Variants in PLA2G4F observed in about 807,000 individuals in gnomAD.
The protein encoded by PLA2G4F is phospholipase A2 group IVF, also known as cytosolic phospholipase A2 zeta.
In PLA2G4F, 105 loss-of-function variants were observed where a neutral mutation model predicts 103.1. The observed-to-expected ratio is 1.02, with a 90% CI of 0.87 to 1.20. The LOEUF is 1.20. Among genes scored for constraint, PLA2G4F ranks in the 50% most tolerant of loss-of-function variants. The probability of loss-of-function intolerance (pLI) is 0.00; values close to 1 mark genes in which losing one functional copy is unlikely to be tolerated. For synonymous variants in PLA2G4F, 468 were observed against 441.1 expected (o/e 1.06, Z -0.76); for missense variants, 1,155 against 1,075.9 (o/e 1.07, Z -1.03).
At position 42,145,758 on chromosome 15, in the gene PLA2G4F, C is replaced by T. The variant is rs200906824; in HGVS notation, c.1672+8G>A. On this transcript the variant is annotated splice_region_variant and intron_variant, in intron 15 of 19. Coordinates refer to ENST00000397272, the MANE Select transcript of PLA2G4F (RefSeq NM_213600.4). ...CTGCCTGTCCCCAGCCCTCCAGCCT[C>T]GACTCACCTTGCAGGTAACAGATCC... The T allele has an allele frequency of 2.9e-4, 464 of 1,614,034 alleles. No homozygotes were observed. In the African/African-American group the frequency reaches 5.5e-3, roughly 19 times the overall value.
chr15:42,153,535 G>A lies in PLA2G4F; in HGVS notation c.491+85C>T, dbSNP rs1164981039. ...CCTCCAGGCCAGGCCTCCAAGGCCA[G>A]TGCAGGACATGGTGACTGGCACCTA... On this transcript the variant is annotated intron_variant, in intron 5 of 19. Coordinates refer to ENST00000397272, the MANE Select transcript of PLA2G4F (RefSeq NM_213600.4). 4.5e-6 allele frequency: 7 copies of A among 1,569,040 alleles called. No individual in the cohort carries two copies. The African/African-American group carries it at 8.1e-5, about 18-fold the overall frequency.
intron 2 of PLA2G4F, 88 bp downstream of exon 2, chr15:42,155,429 C>T (rs2049006456): frequency 7.2e-7 from 1 of 1,383,710 alleles, no homozygotes; most frequent in Admixed American, 1.7e-5. Context: ...CTCTTACACA[C>T]ACACACTCTC....
At position 42,142,697 on chromosome 15, in the gene PLA2G4F, C is replaced by T. The variant is rs745634486; in HGVS notation, c.2160G>A (p.Glu720=). Reference sequence around the variant, plus strand: ...GGATTCCTCGGTCCAGGCAGTACTTCTCTGTCATCTTCAAGACCTGAGCAG... The same window carrying T: ...GGATTCCTCGGTCCAGGCAGTACTTTTCTGTCATCTTCAAGACCTGAGCAG... ...EAPFEVLKMT[E]KYCLDRGIPF... The change falls in exon 19 of 20, where the codon GAG becomes GAA. Residue 720 remains glutamate (E), a synonymous_variant. Coordinates refer to ENST00000397272, the MANE Select transcript of PLA2G4F (RefSeq NM_213600.4). The T allele has an allele frequency of 6.2e-7, 1 of 1,614,092 alleles. No individual in the cohort carries two copies. Among genetic ancestry groups the T allele is most frequent in the South Asian group, 1.1e-5 (1 of 91,060 alleles).
rs1024147367 is a variant in PLA2G4F at position 42,142,758 on chromosome 15, G to C, written c.2143-44C>G. The stretch of plus-strand genomic sequence containing the variant: ...CTGACTCTGCCTTTCCTCCACCCTG[G>C]CCACTCCCGCCGCCCTGGACTCACA... On this transcript the variant is annotated intron_variant, in intron 18 of 19. Transcript: ENST00000397272. The C allele has an allele frequency of 1.7e-5, 27 of 1,599,410 alleles. No homozygotes were observed. In the South Asian group the frequency reaches 2.9e-4, roughly 17 times the overall value.
chr15:42,139,100 A>C lies in PLA2G4F; in HGVS notation c.*2884T>G, dbSNP rs149718954. 9.2e-5 allele frequency: 14 copies of C among 152,232 alleles called. No individual in the cohort carries two copies. The East Asian group carries it at 2.7e-3, about 29-fold the overall frequency. The allele number at this position is 152,232 out of a possible 1,614,324, so 9.4% of individuals were successfully genotyped here. A position where few individuals can be genotyped will look rare whatever the true frequency, so the allele number is the denominator to read the frequency against. On this transcript the variant is annotated 3_prime_UTR_variant, in exon 20 of 20. Coordinates refer to ENST00000397272, the MANE Select transcript of PLA2G4F (RefSeq NM_213600.4). Reference sequence around the variant, plus strand: ...CCAAAGTGCAGCCCTGAGAAGCTGGAGCTGCTTGCTTTTATTCAGTGCAGG... The same window carrying C: ...CCAAAGTGCAGCCCTGAGAAGCTGGCGCTGCTTGCTTTTATTCAGTGCAGG...
rs2048978537 is a variant in PLA2G4F at position 42,153,332 on chromosome 15, C to T, written c.502G>A (p.Ala168Thr). ...ACCCCGTTGGTGATGACTTCAGATG[C>T]AGGCACCTGGCTGCAAAGGATGAGG... ...EFVLEKSQVP[A>T]SEVITNGVLV... Residue 168 changes from alanine (A) to threonine (T), a missense_variant, in exon 6 of 20, where the codon GCA (alanine) becomes ACA (threonine). By Grantham distance (58) the Ala-to-Thr change is moderately conservative. Transcript: ENST00000397272. The T allele has an allele frequency of 1.2e-6, 2 of 1,614,028 alleles. No individual in the cohort carries two copies. Among genetic ancestry groups the T allele is most frequent in the South Asian group, 1.1e-5 (1 of 91,084 alleles).
intron 11 of PLA2G4F, chr15:42,148,620 G>A (rs1026519723): frequency 2.0e-6 from 2 of 984,970 alleles, no homozygotes; most frequent in Non-Finnish European, 1.2e-6. Flanking sequence ...GTCCCCCGTT[G>A]AGCACCACCG....
At chr15:42,143,583 G>C (rs1258237577) in intron 18 of PLA2G4F, among the ~76,000 whole-genome samples, 1 of 152,170 alleles carries the variant, frequency 6.6e-6, no homozygotes, top group Non-Finnish European at 1.5e-5. Flanking sequence ...GCATCAGAGG[G>C]GACCCTCATG....
intron 2 of PLA2G4F, 123 bp downstream of exon 2, chr15:42,155,392 ACT>A (rs1484947424): frequency 2.1e-6 from 2 of 935,610 alleles, no homozygotes; most frequent in Middle Eastern, 2.1e-4. Flanking sequence ...ACACACATGC[ACT>A]CTCACTTGTA....
At chr15:42,152,815 A>T in intron 6 of PLA2G4F, 61 bp from the exon 7 acceptor site, 2 of 1,487,898 alleles carry the variant, frequency 1.3e-6, no homozygotes, top group South Asian at 1.2e-5. Context: ...GGATGGAGAG[A>T]GGGAGGAGTG....
chr15:42,149,033 C>T (rs1235420829), intron 11 of PLA2G4F: 1 of 985,250 alleles, frequency 1.0e-6, no homozygotes, highest in Non-Finnish European at 1.2e-6. Flanking sequence ...TCCTGATCCC[C>T]TGTAAGTCCC....
At chr15:42,146,022 G>A (rs779526342) in intron 14 of PLA2G4F, 105 bp downstream of exon 14, 47 of 1,580,962 alleles carry the variant, frequency 3.0e-5, no homozygotes, top group Non-Finnish European at 3.6e-5. Flanking sequence ...GTGCTCCAAG[G>A]TGCCTGTGTG....
At position 42,146,258 on chromosome 15, in the gene PLA2G4F, G is replaced by A. The variant is rs1386567733; in HGVS notation, c.1420-17C>T. The A allele has an allele frequency of 6.8e-6, 11 of 1,611,962 alleles. No homozygotes were observed. The highest frequency in any genetic ancestry group is 8.5e-6 in the Non-Finnish European group (10 of 1,178,142). ...AGGGTTCTCCTGGGCAGGAAAGAAG[G>A]GAGGCAGCTTGGCCTTTCAGGAGTT... On this transcript the variant is annotated splice_polypyrimidine_tract_variant and intron_variant, in intron 13 of 19. Coordinates refer to ENST00000397272, the MANE Select transcript of PLA2G4F (RefSeq NM_213600.4).
intron 8 of PLA2G4F, 60 bp downstream of exon 8, chr15:42,150,548 G>A: frequency 6.3e-7 from 1 of 1,595,610 alleles, no homozygotes; most frequent in African/African-American, 1.3e-5. Context: ...CCCCAACGTG[G>A]CCCTGGAACG....
chr15:42,150,002 C>T, intron 10 of PLA2G4F, 102 bp downstream of exon 10: 1 of 1,567,076 alleles, frequency 6.4e-7, no homozygotes. Context: ...CATCCCCACC[C>T]CACGGCCTGA....
At position 42,142,212 on chromosome 15, in the gene PLA2G4F, T is replaced by G; in HGVS notation, c.2330-8A>C. 6.2e-7 allele frequency: 1 copy of G among 1,605,072 alleles called. No individual in the cohort carries two copies. Among genetic ancestry groups the G allele is most frequent in the Non-Finnish European group, 8.5e-7 (1 of 1,174,752 alleles). On this transcript the variant is annotated splice_polypyrimidine_tract_variant and splice_region_variant and intron_variant, in intron 19 of 19. Transcript: ENST00000397272. ...CTGTTTGTCGCTCCACACCTGTGGG[T>G]GGGGGAAGCAGAGGAGAGGCCAGGA...
intron 7 of PLA2G4F, chr15:42,151,197 A>G (rs2048958352): frequency 1.0e-6 from 1 of 985,276 alleles, no homozygotes; most frequent in South Asian, 4.7e-5. Context: ...CCAAGAGAAA[A>G]CCAGTAGGCT....
chr15:42,147,522 G>C, intron 12 of PLA2G4F, 104 bp downstream of exon 12: 1 of 1,455,438 alleles, frequency 6.9e-7, no homozygotes, highest in East Asian at 2.3e-5. Flanking sequence ...AACACCCTGG[G>C]AGGCAGGATC....
intron 6 of PLA2G4F, 80 bp downstream of exon 6, chr15:42,153,220 A>G (rs2048977042): frequency 6.8e-7 from 1 of 1,473,442 alleles, no homozygotes; most frequent in Admixed American, 2.0e-5. Context: ...TTCAGAGGCA[A>G]CTGGGCCTGA....
Sources: allele counts gnomAD v4.1 joint callset (sites outside exome capture counted in the v4.1 genomes callset), GRCh38; gene constraint gnomAD v4.1.1; transcripts MANE v1.5; gene names NCBI Gene and HGNC (gene_info 2026-07-23, HGNC 2026-07-21).